Variants in ZMYM3 observed in about 807,000 individuals in gnomAD.
ZMYM3 encodes the protein zinc finger MYM-type protein 3.
In ZMYM3, 6 loss-of-function variants were observed where a neutral mutation model predicts 94.2. The observed-to-expected ratio is 0.06, with a 90% CI of 0.03 to 0.13. ZMYM3 has a LOEUF of 0.13. ZMYM3 is among the 10% of genes least tolerant of loss of function. The probability of loss-of-function intolerance (pLI) is 1.00; values close to 1 mark genes in which losing one functional copy is unlikely to be tolerated. For missense variants in ZMYM3, 664 were observed against 1,132.6 expected (o/e 0.59, Z 5.94); for synonymous variants, 420 against 426.5 (o/e 0.98, Z 0.19).
chrX:71,241,386 G>T, intron 23 of ZMYM3, 42 bp from the exon 24 acceptor site: 1 of 1,044,455 alleles, frequency 9.6e-7, no homozygotes, highest in Non-Finnish European at 1.3e-6. Flanking sequence ...AAGAACACAG[G>T]CTCCATGAGC....
chrX:71,244,878 T>C lies in ZMYM3; in HGVS notation c.3023A>G (p.Asn1008Ser). 8.3e-7 allele frequency: 1 copy of C among 1,201,891 alleles called. No individual in the cohort carries two copies. The highest frequency in any genetic ancestry group is 1.1e-6 in the Non-Finnish European group (1 of 888,152). The change falls in exon 19 of 25, where the codon AAT becomes AGT. Residue 1008 changes from asparagine (N) to serine (S), a missense_variant. Coordinates refer to ENST00000314425, the MANE Select transcript of ZMYM3 (RefSeq NM_201599.3). ...ATCAAAGAGGAAGTCTACACTGGGA[T>C]TAATGTCCAGAGGATCTAATGAAAA... ...ADFPKNPLDI[N>S]PSVDFLFDCG... is the part of the protein sequence containing the mutation.
intron 19 of ZMYM3, 99 bp downstream of exon 19, chrX:71,244,691 G>A (rs2030086448): frequency 1.2e-6 from 1 of 847,047 alleles, no homozygotes; most frequent in Non-Finnish European, 1.7e-6. Context: ...GAGAAAGGAG[G>A]TTAGGGAAGG....
intron 24 of ZMYM3, 38 bp downstream of exon 24, chrX:71,241,189 C>G: frequency 2.5e-6 from 3 of 1,182,833 alleles, no homozygotes; most frequent in Non-Finnish European, 3.4e-6. Flanking sequence ...CCCTCGGGTC[C>G]CCATGCTAAC....
intron 6 of ZMYM3, 148 bp downstream of exon 6, chrX:71,249,878 G>A (rs2030370051): frequency 9.7e-7 from 1 of 1,027,658 alleles, no homozygotes; most frequent in Admixed American, 3.8e-5. Context: ...TCCTGGAGAA[G>A]CTCTGTCCTT....
chrX:71,242,857 C>T, intron 22 of ZMYM3, 113 bp downstream of exon 22: 5 of 704,983 alleles, frequency 7.1e-6, no homozygotes, highest in Non-Finnish European at 1.1e-5. Flanking sequence ...CTACACGCTC[C>T]TGCCCTCGGG....
In ZMYM3 at chrX:71,248,313, C is replaced by A; in HGVS notation, c.1825-1G>T. 8.3e-7 allele frequency: 1 copy of A among 1,200,243 alleles called. No homozygotes were observed. Among genetic ancestry groups the A allele is most frequent in the Non-Finnish European group, 1.1e-6 (1 of 889,123 alleles). On this transcript the variant is annotated splice_acceptor_variant, in intron 10 of 24. Transcript: ENST00000314425. LOFTEE classifies it high-confidence loss of function. ...GGCAGCAGAACTGGAACACTTGGTCCTGAGGTGGGGGCACAGGGCAGGGAG... is the reference window on the plus strand; with the variant it reads ...GGCAGCAGAACTGGAACACTTGGTCATGAGGTGGGGGCACAGGGCAGGGAG...
rs1486372335 is a variant in ZMYM3, at chrX:71,245,819, G to A, written c.2709C>T (p.Pro903=). ...PIPVPVPMFL[P]TTLESTDKIV... is the part of the protein sequence containing the mutation. Reference sequence around the variant, plus strand: ...TCTTGTCTGTGCTCTCCAAGGTAGTGGGCAAGAACATGGGCACAGGCACCT... The same window carrying A: ...TCTTGTCTGTGCTCTCCAAGGTAGTAGGCAAGAACATGGGCACAGGCACCT... Residue 903 remains proline (P), a synonymous_variant, in exon 17 of 25, where the codon CCC becomes CCT. Coordinates refer to ENST00000314425, the MANE Select transcript of ZMYM3 (RefSeq NM_201599.3). The A allele has an allele frequency of 1.1e-5, 13 of 1,210,833 alleles. No individual in the cohort carries two copies. Among genetic ancestry groups the A allele is most frequent in the Non-Finnish European group, 1.5e-5 (13 of 895,101 alleles).
At position 71,246,115 on chromosome X, in the gene ZMYM3, G is replaced by T; in HGVS notation, c.2573-17C>A. ...TCCACTCTTCTGTGGATAAGAAAGG[G>T]GTCTTCTCAGAGACCCTGCTGGACT... On this transcript the variant is annotated splice_polypyrimidine_tract_variant and intron_variant, in intron 15 of 24. Transcript: ENST00000314425. The T allele has an allele frequency of 4.2e-6, 5 of 1,195,182 alleles. No homozygotes were observed. Among genetic ancestry groups the T allele is most frequent in the Non-Finnish European group, 3.4e-6 (3 of 884,550 alleles).
Position 71,249,497 on chromosome X carries a change from C to A in ZMYM3, c.1434G>T (p.Arg478=), listed in dbSNP as rs772146019. Residue 478 remains arginine (R), a synonymous_variant, in exon 7 of 25, where the codon CGG becomes CGT. Coordinates refer to ENST00000314425, the MANE Select transcript of ZMYM3 (RefSeq NM_201599.3). ...CCCCCAAGCAGGTTGTGTTGCAGAA[C>A]CGCTTTTGTTGGCCCTCGTGGAAGA... ...ELLFHEGQQK[R]FCNTTCLGAY... 24 of 1,198,526 alleles carry A rather than the reference C, an allele frequency of 2.0e-5. No individual in the cohort carries two copies. The highest frequency in any genetic ancestry group is 2.7e-5 in the Non-Finnish European group (24 of 889,280).
In ZMYM3 at chrX:71,250,094, G is replaced by A. The variant is rs1200245844; in HGVS notation, c.1183C>T (p.Arg395Cys). ...GGATCCCCAGACTGGGGGATCGGGC[G>A]CTGCTGCTGGGCCTCATACAGGGAG... ...CLSLYEAQQQ[R>C]PIPQSGDPAD... Residue 395 changes from arginine to cysteine, a missense_variant, in exon 6 of 25, where the codon CGC (arginine) becomes TGC (cysteine). This residue lies in a region of ZMYM3 where 51 missense variants were observed against 53.0 expected (regional missense o/e 0.96). Transcript: ENST00000314425. 5.0e-6 allele frequency: 6 copies of A among 1,206,735 alleles called. No homozygotes were observed. In the East Asian group the frequency reaches 1.2e-4, roughly 24 times the overall value.
chrX:71,248,946 C>T (rs1029394552), intron 8 of ZMYM3, 73 bp downstream of exon 8: 18 of 1,186,660 alleles, frequency 1.5e-5, no homozygotes, highest in Non-Finnish European at 1.9e-5. Context: ...GCAAGGATTA[C>T]TCTGGAAGAG....
In ZMYM3 at chrX:71,241,291, G is replaced by T; in HGVS notation, c.3856C>A (p.Arg1286Ser). The part of the protein sequence containing the change: ...REDEAPILEQ[R>S]ENRMNPLRCP... ...CGGAGGGGATTCATGCGGTTCTCAC[G>T]CTGCTCTAAGATAGGGGCTTCATCT... is the stretch of plus-strand genomic sequence containing the variant. The change falls in exon 24 of 25, where the codon CGT (arginine) becomes AGT (serine). Residue 1286 changes from arginine to serine, a missense_variant. Coordinates refer to ENST00000314425, the MANE Select transcript of ZMYM3 (RefSeq NM_201599.3). The T allele has an allele frequency of 8.3e-7, 1 of 1,208,138 alleles. No individual in the cohort carries two copies. The highest frequency in any genetic ancestry group is 1.8e-5 in the South Asian group (1 of 56,345).
At position 71,253,097 on chromosome X, in the gene ZMYM3, G is replaced by C. The variant is rs372262587; in HGVS notation, c.159C>G (p.Ser53=). The C allele has an allele frequency of 2.2e-5, 26 of 1,202,601 alleles. No individual in the cohort carries two copies. The highest frequency in any genetic ancestry group is 2.9e-5 in the Non-Finnish European group (26 of 890,682). The part of the protein sequence containing the change: ...RGWAPPGPSP[S]SGALDLLDTP... The stretch of plus-strand genomic sequence containing the variant: ...TATCAAGCAGGTCCAGGGCTCCCGA[G>C]GATGGAGAAGGGCCAGGGGGGGCCC... The change falls in exon 2 of 25, where the codon TCC becomes TCG. Residue 53 remains serine, a synonymous_variant. Transcript: ENST00000314425.
intron 1 of ZMYM3, among the ~76,000 whole-genome samples, chrX:71,253,477 C>T (rs1486119318): frequency 9.9e-6 from 1 of 101,499 alleles, no homozygotes; most frequent in African/African-American, 3.6e-5. Flanking sequence ...AGAGGCGTTC[C>T]CCGCCCTGGC....
chrX:71,243,169 G>T, intron 21 of ZMYM3, 85 bp from the exon 22 acceptor site: 2 of 800,452 alleles, frequency 2.5e-6, no homozygotes, highest in Non-Finnish European at 3.7e-6. Context: ...CAGGTATGGT[G>T]TCCTTGATCA....
chrX:71,245,629 A>G, intron 17 of ZMYM3, 39 bp downstream of exon 17: 1 of 1,196,761 alleles, frequency 8.4e-7, no homozygotes, highest in Non-Finnish European at 1.1e-6. Context: ...ACATGCTGGT[A>G]GCACCCTGTC....
At chrX:71,243,661 G>T in intron 21 of ZMYM3, 168 bp downstream of exon 21, 1 of 533,235 alleles carries the variant, frequency 1.9e-6, no homozygotes, top group Non-Finnish European at 2.9e-6. Context: ...TCACTTTGTT[G>T]CCCAGGCTGG....
At position 71,246,479 on chromosome X, in the gene ZMYM3, G is replaced by GGGGGA; in HGVS notation, c.2445_2446insTCCCC (p.Pro816SerfsTer25). The GGGGGA allele has an allele frequency of 4.5e-5, 15 of 333,431 alleles. No homozygotes were observed. Among genetic ancestry groups the GGGGGA allele is most frequent in the Non-Finnish European group, 8.4e-5 (15 of 178,477 alleles). 27.5% of individuals were successfully genotyped at this position (333,431 alleles called of 1,213,427 possible). ...GGGGGTGGTGGGGGTGGAGGGGTGGGAGCAGTGGGAGCTGATCGGGTCTTC... is the reference window on the plus strand; with the variant it reads ...GGGGGTGGTGGGGGTGGAGGGGTGGGGGGGAAGCAGTGGGAGCTGATCGGGTCTTC... On this transcript the variant is annotated frameshift_variant, in exon 15 of 25. Coordinates refer to ENST00000314425, the MANE Select transcript of ZMYM3 (RefSeq NM_201599.3). LOFTEE classifies it high-confidence loss of function.
chrX:71,242,212 T>C lies in ZMYM3; in HGVS notation c.3760A>G (p.Ser1254Gly), dbSNP rs2029980826. The change falls in exon 23 of 25, where the codon AGC becomes GGC. Residue 1254 changes from serine to glycine, a missense_variant. Transcript: ENST00000314425. ...TTPRGTTKVV[S>G]IRYYAPVRQR... ...CGGACTGGGGCATAGTAGCGGATGCTCACCACCTTGGTGGTGCCCCGAGGG... is the reference window on the plus strand; with the variant it reads ...CGGACTGGGGCATAGTAGCGGATGCCCACCACCTTGGTGGTGCCCCGAGGG... 8.4e-7 allele frequency: 1 copy of C among 1,197,134 alleles called. No homozygotes were observed. The highest frequency in any genetic ancestry group is 1.1e-6 in the Non-Finnish European group (1 of 888,747).
Sources: allele counts gnomAD v4.1 joint callset (sites outside exome capture counted in the v4.1 genomes callset), GRCh38; gene constraint gnomAD v4.1.1; regional missense constraint gnomAD v4.1.1; transcripts MANE v1.5; gene names NCBI Gene and HGNC (gene_info 2026-07-23, HGNC 2026-07-21).